The following DMD variants were observed in gnomAD, a reference collection of about 807,000 sequenced individuals.
DMD encodes dystrophin.
Under a neutral mutation model 330.1 loss-of-function variants are expected in DMD, and 63 were observed. That is an observed-to-expected ratio of 0.19 (90% confidence interval 0.16 to 0.24). DMD has a LOEUF of 0.24. DMD is among the 10% of genes least tolerant of loss of function. The pLI, the probability that DMD is intolerant of heterozygous loss-of-function variation, is 1.00. For synonymous variants in DMD, 1,223 were observed against 959.8 expected (o/e 1.27, Z -5.07); for missense variants, 3,344 against 2,684.1 (o/e 1.25, Z -5.43).
chrX:31,326,590 A>AT (rs1288605179), intron 61 of DMD, among the ~76,000 whole-genome samples: 7 of 101,182 alleles, frequency 6.9e-5, no homozygotes, highest in African/African-American at 2.4e-4. Context: ...CCTTGACACA[A>AT]TAAAAAAAAA....
At chrX:31,523,354 G>A (rs1382443753) in intron 55 of DMD, among the ~76,000 whole-genome samples, 1 of 110,572 alleles carries the variant, frequency 9.0e-6, no homozygotes, top group Non-Finnish European at 1.9e-5. Context: ...CTCCACCCCC[G>A]GGACATACAA....
intron 43 of DMD, among the ~76,000 whole-genome samples, chrX:32,236,114 T>C (rs1033640852): frequency 1.8e-5 from 2 of 112,115 alleles, no homozygotes; most frequent in Admixed American, 1.9e-4. Flanking sequence ...AAATCTTACA[T>C]AATCATTTAA....
At chrX:32,503,883 T>C (rs2044342951) in intron 18 of DMD, among the ~76,000 whole-genome samples, 1 of 111,892 alleles carries the variant, frequency 8.9e-6, no homozygotes, top group African/African-American at 3.3e-5. Flanking sequence ...TAAAAATTTA[T>C]TTTAAAGAGT....
At chrX:31,291,540 G>C in intron 62 of DMD, among the ~76,000 whole-genome samples, 1 of 112,072 alleles carries the variant, frequency 8.9e-6, no homozygotes, top group Non-Finnish European at 1.9e-5. Context: ...GCTGACCATA[G>C]CAATCTTAGA....
intron 23 of DMD, among the ~76,000 whole-genome samples, chrX:32,467,349 T>G (rs2040134645): frequency 9.0e-6 from 1 of 111,168 alleles, no homozygotes; most frequent in South Asian, 3.7e-4. Context: ...TTTTAGGCTT[T>G]TAGACCTTAA....
intron 44 of DMD, among the ~76,000 whole-genome samples, chrX:32,024,840 A>G (rs2095835669): frequency 8.9e-6 from 1 of 111,916 alleles, no homozygotes; most frequent in African/African-American, 3.3e-5. Context: ...TATTGCTGAA[A>G]TGAATATGAA....
intron 7 of DMD, among the ~76,000 whole-genome samples, chrX:32,751,297 T>C (rs2070777288): frequency 9.0e-6 from 1 of 110,857 alleles, no homozygotes; most frequent in Non-Finnish European, 1.9e-5. Context: ...GATAATGATG[T>C]AGAGAATGAA....
intron 11 of DMD, among the ~76,000 whole-genome samples, chrX:32,618,816 T>G (rs1173890399): frequency 1.8e-5 from 2 of 110,942 alleles, no homozygotes; most frequent in Non-Finnish European, 3.8e-5. Context: ...CTGCAAAAGT[T>G]AAAAATTACT....
intron 60 of DMD, among the ~76,000 whole-genome samples, chrX:31,422,806 T>G (rs920807595): frequency 6.3e-5 from 7 of 111,257 alleles, no homozygotes; most frequent in African/African-American, 2.3e-4. Flanking sequence ...GGCTTATTAT[T>G]TCTATTGTGT....
At chrX:32,497,891 T>A (rs2148668557) in intron 19 of DMD, among the ~76,000 whole-genome samples, 1 of 111,957 alleles carries the variant, frequency 8.9e-6, no homozygotes, top group Non-Finnish European at 1.9e-5. Context: ...AAAACCATTA[T>A]TAGTTAGCAA....
At chrX:31,572,295 T>C (rs764442567) in intron 55 of DMD, among the ~76,000 whole-genome samples, 12 of 112,361 alleles carry the variant, frequency 1.1e-4, no homozygotes, top group African/African-American at 3.9e-4. Flanking sequence ...GAAGCAACCC[T>C]TCCCCATTTC....
At chrX:32,571,780 C>A (rs1354810506) in intron 15 of DMD, among the ~76,000 whole-genome samples, 1 of 111,431 alleles carries the variant, frequency 9.0e-6, no homozygotes, top group African/African-American at 3.3e-5. Flanking sequence ...TCCTAGGAAC[C>A]CAGTCACCCA....
chrX:31,709,000 G>C lies in DMD; in HGVS notation c.7660+20631C>G, dbSNP rs556621461. Among the ~76,000 whole-genome samples the C allele has an allele frequency of 5.3e-3, 597 of 112,024 alleles. 1 individual carries two copies. Among genetic ancestry groups the C allele is most frequent in the Non-Finnish European group, 8.6e-3 (460 of 53,182 alleles). On this transcript the variant is annotated intron_variant, in intron 52 of 78. Coordinates refer to ENST00000357033, the MANE Select transcript of DMD (RefSeq NM_004006.3). ...AAAGAGAGTAAAATCGGCTGGGCGT[G>C]GTGGCTCACACCTGTAATCCCAGCT...
chrX:33,012,632 G>A (rs1297771303), intron 2 of DMD, among the ~76,000 whole-genome samples: 1 of 111,215 alleles, frequency 9.0e-6, no homozygotes, highest in Non-Finnish European at 1.9e-5. Flanking sequence ...CGTATTTTGA[G>A]TACCCATACA....
chrX:32,959,775 A>G (rs1328802670), intron 2 of DMD, among the ~76,000 whole-genome samples: 2 of 111,238 alleles, frequency 1.8e-5, no homozygotes, highest in Non-Finnish European at 3.8e-5. Flanking sequence ...TTACCACCAC[A>G]ACAAATCACG....
intron 44 of DMD, 81 bp from the exon 45 acceptor site, chrX:31,968,595 C>T (rs2095371601): frequency 2.0e-6 from 2 of 1,021,973 alleles, no homozygotes; most frequent in Non-Finnish European, 2.7e-6. Context: ...TGTGCTACCA[C>T]ATGCAGTTGT....
chrX:32,885,697 T>C (rs1462892008), intron 2 of DMD, among the ~76,000 whole-genome samples: 2 of 110,760 alleles, frequency 1.8e-5, no homozygotes, highest in African/African-American at 3.3e-5. Context: ...TATTGGAGAA[T>C]TATAAAACAA....
At chrX:32,376,439 T>C (rs1341285213) in intron 34 of DMD, among the ~76,000 whole-genome samples, 1 of 111,842 alleles carries the variant, frequency 8.9e-6, no homozygotes, top group African/African-American at 3.3e-5. Context: ...TAATTCTGTG[T>C]ATTTTATGGT....
intron 19 of DMD, among the ~76,000 whole-genome samples, chrX:32,492,171 T>C (rs1180707018): frequency 9.0e-6 from 1 of 111,453 alleles, no homozygotes. Flanking sequence ...ACCCCGTCTC[T>C]ACTAAAAATA....
Sources: gnomAD v4.1 joint callset for allele counts (sites outside exome capture counted in the v4.1 genomes callset) on GRCh38, gnomAD v4.1.1 for gene constraint, MANE v1.5 for transcripts, NCBI Gene and HGNC (gene_info 2026-07-23, HGNC 2026-07-21) for gene names.